The following TRPM6 variants were observed in gnomAD, a reference collection of about 807,000 sequenced individuals.
The protein encoded by TRPM6 is transient receptor potential cation channel subfamily M member 6.
A neutral mutation model predicts 247.6 loss-of-function variants in TRPM6; 111 were observed. The observed-to-expected ratio is 0.45, with a 90% CI of 0.38 to 0.52. The LOEUF is 0.52. TRPM6 is among the 20% of genes least tolerant of loss of function. The pLI, the probability that TRPM6 is intolerant of heterozygous loss-of-function variation, is 0.00. For synonymous variants in TRPM6, 892 were observed against 853.8 expected, an observed-to-expected ratio of 1.04 and a Z score of -0.78; for missense variants, 2,126 against 2,421.5, an observed-to-expected ratio of 0.88 and a Z score of 2.56.
chr9:74,748,008 C>G (rs1484885737), intron 30 of TRPM6, 94 bp from the exon 31 acceptor site: 1 of 1,133,678 alleles, frequency 8.8e-7, no homozygotes, highest in Non-Finnish European at 1.3e-6. Flanking sequence ...AGTAACAACA[C>G]AAAGTATATA....
chr9:74,839,690 A>T (rs1829850161), intron 5 of TRPM6, among the ~76,000 whole-genome samples: 3 of 151,996 alleles, frequency 2.0e-5, no homozygotes, highest in Admixed American at 2.0e-4. Context: ...GTAAAAACAC[A>T]TTCCAGGAAA....
Position 74,763,062 on chromosome 9 carries a change from A to G in TRPM6, c.3609T>C (p.Ser1203=), listed in dbSNP as rs140937674. 6.2e-7 allele frequency: 1 copy of G among 1,614,144 alleles called. No individual in the cohort carries two copies. Among genetic ancestry groups the G allele is most frequent in the African/African-American group, 1.3e-5 (1 of 75,066 alleles). The change falls in exon 26 of 39, where the codon TCT becomes TCC. Residue 1203 remains serine, a synonymous_variant. Coordinates refer to ENST00000360774, the MANE Select transcript of TRPM6 (RefSeq NM_017662.5). The stretch of plus-strand genomic sequence containing the variant: ...GCAGGTGTCCCACCTGGCTGTCCAA[A>G]GACAGTAAGGAGTCCTTTATAAAAG... ...KVSFIKDSLL[S]LDSQVGHLQD...
chr9:74,873,963 T>C (rs1161203937), intron 1 of TRPM6, among the ~76,000 whole-genome samples: 1 of 151,878 alleles, frequency 6.6e-6, no homozygotes, highest in African/African-American at 2.4e-5. Context: ...AGGCTGGGCA[T>C]GGTGGCTCAC....
rs770033007 is a variant in TRPM6 at position 74,840,228 on chromosome 9, T to A, written c.340A>T (p.Thr114Ser). 2 of 1,610,502 alleles carry A rather than the reference T, an allele frequency of 1.2e-6. No homozygotes were observed. The highest frequency in any genetic ancestry group is 3.3e-5 in the Admixed American group (2 of 60,000). Reference sequence around the variant, plus strand: ...TGATCCAGTTTTGTATCATAAGAAGTTCTAATATACTGCAAGAAAAGCACA... The same window carrying A: ...TGATCCAGTTTTGTATCATAAGAAGATCTAATATACTGCAAGAAAAGCACA... ...EHTHHAKYIR[T>S]SYDTKLDHLL... The change falls in exon 5 of 39, where the codon ACT becomes TCT. Residue 114 changes from threonine (T) to serine (S), a missense_variant. Around this residue, in one of 3 missense-constraint regions of TRPM6, gnomAD observed 1,082 missense variants for 1,307.9 expected, o/e 0.83. Coordinates refer to ENST00000360774, the MANE Select transcript of TRPM6 (RefSeq NM_017662.5).
chr9:74,870,606 A>G (rs964629541), intron 1 of TRPM6, among the ~76,000 whole-genome samples: 1 of 152,186 alleles, frequency 6.6e-6, no homozygotes, highest in Non-Finnish European at 1.5e-5. Flanking sequence ...TTTCATGAAC[A>G]TTCCTTTAGC....
chr9:74,855,668 A>G, intron 2 of TRPM6, 103 bp from the exon 3 acceptor site: 2 of 842,564 alleles, frequency 2.4e-6, no homozygotes. Context: ...TCTAGAAATC[A>G]AGGTTTGCTG....
In TRPM6 at chr9:74,836,062, A is replaced by G. The variant is rs1246551966; in HGVS notation, c.545-1940T>C. Among the ~76,000 whole-genome samples, 9 of 152,254 alleles carry G rather than the reference A, an allele frequency of 5.9e-5. No individual in the cohort carries two copies. In the South Asian group the frequency reaches 1.2e-3, roughly 21 times the overall value. On this transcript the variant is annotated intron_variant, in intron 5 of 38. Coordinates refer to ENST00000360774, the MANE Select transcript of TRPM6 (RefSeq NM_017662.5). ...TTCTATGAGTTTTGACAAAGATACA[A>G]TGATGTATATCCACCATGTTAGTAT...
chr9:74,813,299 G>A (rs1828801653), intron 11 of TRPM6, among the ~76,000 whole-genome samples: 1 of 152,216 alleles, frequency 6.6e-6, no homozygotes, highest in Non-Finnish European at 1.5e-5. Flanking sequence ...AAAGCAGATG[G>A]TCAAGTCATA....
At chr9:74,781,200 G>T (rs773669900) in intron 23 of TRPM6, among the ~76,000 whole-genome samples, 3 of 152,016 alleles carry the variant, frequency 2.0e-5, no homozygotes, top group Non-Finnish European at 2.9e-5. Context: ...GGGAGAAGAT[G>T]ATCCAGAAAA....
At chr9:74,778,540 C>T (rs1324492679) in intron 23 of TRPM6, among the ~76,000 whole-genome samples, 1 of 152,230 alleles carries the variant, frequency 6.6e-6, no homozygotes, top group African/African-American at 2.4e-5. Flanking sequence ...CTGGACGCCA[C>T]TGCAGCATTA....
intron 5 of TRPM6, among the ~76,000 whole-genome samples, chr9:74,839,782 G>A (rs1416522006): frequency 6.6e-6 from 1 of 151,388 alleles, no homozygotes; most frequent in Admixed American, 6.6e-5. Flanking sequence ...TCCTAGGAGT[G>A]CTACAGAGCA....
Position 74,728,493 on chromosome 9 carries a change from T to C in TRPM6, c.5829-148A>G, listed in dbSNP as rs1825408804. 3.4e-5 allele frequency: 23 copies of C among 670,014 alleles called. 1 individual carries two copies. In the South Asian group the frequency reaches 3.8e-4, roughly 11 times the overall value. 41.5% of individuals were successfully genotyped at this position (670,014 alleles called of 1,614,324 possible). On this transcript the variant is annotated intron_variant, in intron 37 of 38. Coordinates refer to ENST00000360774, the MANE Select transcript of TRPM6 (RefSeq NM_017662.5). ...ACAGAGCACTTTGGGGAAACAACAA[T>C]GTTAGGTTTGCAAATTTAAAATTCA... is the stretch of plus-strand genomic sequence containing the variant.
intron 18 of TRPM6, 43 bp from the exon 19 acceptor site, chr9:74,792,813 C>T (rs761675867): frequency 1.9e-6 from 3 of 1,574,690 alleles, no homozygotes; most frequent in East Asian, 2.2e-5. Context: ...AGCAGCTTAA[C>T]TAAAATAGTG....
intron 1 of TRPM6, among the ~76,000 whole-genome samples, chr9:74,868,396 G>GGC (rs1283033114): frequency 2.6e-5 from 4 of 152,076 alleles, no homozygotes; most frequent in Admixed American, 6.5e-5. Context: ...TCGGGAGGCT[G>GGC]AGGCAGGAGA....
chr9:74,859,990 C>G (rs1291042681), intron 1 of TRPM6, among the ~76,000 whole-genome samples: 2 of 152,158 alleles, frequency 1.3e-5, no homozygotes, highest in East Asian at 3.9e-4. Flanking sequence ...CATTATCACA[C>G]TATCCTCAAA....
chr9:74,794,259 A>G (rs1197629549), intron 18 of TRPM6, among the ~76,000 whole-genome samples: 1 of 152,232 alleles, frequency 6.6e-6, no homozygotes, highest in Non-Finnish European at 1.5e-5. Flanking sequence ...CAACGTAGCC[A>G]CAAAAGTTAT....
At chr9:74,740,278 G>A (rs956802723) in intron 33 of TRPM6, among the ~76,000 whole-genome samples, 1 of 152,150 alleles carries the variant, frequency 6.6e-6, no homozygotes, top group African/African-American at 2.4e-5. Flanking sequence ...ACTATAACTG[G>A]ACAAAAACAA....
At chr9:74,834,146 C>A in intron 5 of TRPM6, 24 bp from the exon 6 acceptor site, 2 of 1,613,464 alleles carry the variant, frequency 1.2e-6, no homozygotes, top group South Asian at 2.2e-5. Flanking sequence ...GTTTAGAAGT[C>A]AAACTTTAAT....
intron 15 of TRPM6, among the ~76,000 whole-genome samples, chr9:74,803,309 C>A (rs188161948): frequency 6.6e-6 from 1 of 151,952 alleles, no homozygotes. Context: ...CACACACACA[C>A]ACACACACTC....
Sources: allele counts gnomAD v4.1 joint callset (sites outside exome capture counted in the v4.1 genomes callset), GRCh38; gene constraint gnomAD v4.1.1; regional missense constraint gnomAD v4.1.1; transcripts MANE v1.5; gene names NCBI Gene and HGNC (gene_info 2026-07-23, HGNC 2026-07-21).